The following NTRK2 variants were observed in gnomAD, a reference collection of about 807,000 sequenced individuals.
NTRK2 encodes BDNF/NT-3 growth factors receptor.
In NTRK2, 13 loss-of-function variants were observed where a neutral mutation model predicts 94.5. The observed-to-expected ratio is 0.14, with a 90% CI of 0.09 to 0.22. The LOEUF is 0.22. NTRK2 is among the 10% of genes least tolerant of loss of function. The pLI, the probability that NTRK2 is intolerant of heterozygous loss-of-function variation, is 1.00. For missense variants in NTRK2, 639 were observed against 1,071.2 expected, an observed-to-expected ratio of 0.60 and a Z score of 5.63; for synonymous variants, 372 against 407.4, an observed-to-expected ratio of 0.91 and a Z score of 1.05.
intron 17 of NTRK2, among the ~76,000 whole-genome samples, chr9:84,972,460 T>C (rs777329437): frequency 2.6e-5 from 4 of 152,204 alleles, no homozygotes; most frequent in Non-Finnish European, 5.9e-5. Flanking sequence ...CAGTGACTGG[T>C]TTTGTAAACA....
chr9:84,851,194 C>T (rs894961338), intron 12 of NTRK2, among the ~76,000 whole-genome samples: 6 of 152,088 alleles, frequency 3.9e-5, no homozygotes, highest in African/African-American at 1.4e-4. Flanking sequence ...AGGCAAAAAT[C>T]GCCCCCGTTT....
intron 17 of NTRK2, among the ~76,000 whole-genome samples, chr9:84,976,431 G>A (rs1035398188): frequency 1.8e-4 from 27 of 152,172 alleles, no homozygotes; most frequent in Non-Finnish European, 2.9e-4. Flanking sequence ...AGGAGTGAGG[G>A]CTTCAACATA....
chr9:84,706,070 G>A (rs945171062), intron 4 of NTRK2, among the ~76,000 whole-genome samples: 3 of 152,138 alleles, frequency 2.0e-5, no homozygotes, highest in African/African-American at 7.2e-5. Context: ...GATTACAGGT[G>A]TGAGCCACTG....
chr9:84,748,399 C>A (rs1212268129), intron 11 of NTRK2, among the ~76,000 whole-genome samples: 6 of 152,226 alleles, frequency 3.9e-5, no homozygotes. Flanking sequence ...AGCAGTAGAG[C>A]CCACTTCCCA....
chr9:84,862,916 G>C (rs2075400055), intron 13 of NTRK2, among the ~76,000 whole-genome samples: 1 of 152,172 alleles, frequency 6.6e-6, no homozygotes, highest in Non-Finnish European at 1.5e-5. Flanking sequence ...GGGGTGGGGA[G>C]GGCAGGTGGA....
At chr9:84,684,798 TC>T (rs2059609515) in intron 2 of NTRK2, among the ~76,000 whole-genome samples, 1 of 152,218 alleles carries the variant, frequency 6.6e-6, no homozygotes, top group African/African-American at 2.4e-5. Flanking sequence ...GTATTTTTTT[TC>T]CGTGAACTTA....
intron 13 of NTRK2, among the ~76,000 whole-genome samples, chr9:84,866,418 T>C (rs1298144607): frequency 6.6e-6 from 1 of 152,198 alleles, no homozygotes; most frequent in Non-Finnish European, 1.5e-5. Context: ...AGAAAGTAAG[T>C]GACTTGTCCA....
intron 2 of NTRK2, among the ~76,000 whole-genome samples, chr9:84,673,823 A>G (rs1362786713): frequency 6.6e-6 from 1 of 152,228 alleles, no homozygotes; most frequent in Non-Finnish European, 1.5e-5. Context: ...ATGTGACATA[A>G]CTAGATCAAT....
At chr9:84,888,809 A>G (rs1262132924) in intron 14 of NTRK2, among the ~76,000 whole-genome samples, 1 of 151,044 alleles carries the variant, frequency 6.6e-6, no homozygotes, top group East Asian at 1.9e-4. Context: ...TATAAAGTTC[A>G]CCTGACCCCA....
chr9:84,705,356 A>G (rs2060980743), intron 4 of NTRK2, among the ~76,000 whole-genome samples: 2 of 152,346 alleles, frequency 1.3e-5, no homozygotes, highest in South Asian at 4.1e-4. Flanking sequence ...GGGACTTTGC[A>G]GAGGTGCTAA....
intron 12 of NTRK2, among the ~76,000 whole-genome samples, chr9:84,836,086 C>T (rs1281560902): frequency 6.6e-6 from 1 of 152,190 alleles, no homozygotes. Context: ...TAGCAAACAC[C>T]ATAGTTCTGT....
At chr9:84,958,579 G>T (rs918452131) in intron 17 of NTRK2, among the ~76,000 whole-genome samples, 1 of 152,160 alleles carries the variant, frequency 6.6e-6, no homozygotes, top group African/African-American at 2.4e-5. Flanking sequence ...CCACTACTCG[G>T]TTGCAGTTGT....
intron 14 of NTRK2, among the ~76,000 whole-genome samples, chr9:84,888,750 ATAAAAATCCCT>A (rs1292720435): frequency 6.6e-6 from 1 of 150,786 alleles, no homozygotes; most frequent in East Asian, 2.0e-4. Flanking sequence ...CACCAATCCT[ATAAAAATCCCT>A]AAGAGGTTGG....
chr9:84,778,875 T>C (rs2067296716), intron 12 of NTRK2, among the ~76,000 whole-genome samples: 1 of 152,216 alleles, frequency 6.6e-6, no homozygotes, highest in Non-Finnish European at 1.5e-5. Flanking sequence ...TTCTCTGCTG[T>C]GTCCTCTCCC....
At position 84,853,095 on chromosome 9, in the gene NTRK2, G is replaced by C. The variant is rs1019334982; in HGVS notation, c.1397-7945G>C. The stretch of plus-strand genomic sequence containing the variant: ...ATTTAGCAGGAGAAAATCTAGGCCG[G>C]TTGACTGAGTGCTTTTCCTTATATT... On this transcript the variant is annotated intron_variant, in intron 12 of 18. Coordinates refer to ENST00000277120, the MANE Select transcript of NTRK2 (RefSeq NM_006180.6). 2.6e-5 allele frequency among the ~76,000 whole-genome samples: 4 copies of C among 152,090 alleles called. No individual in the cohort carries two copies. The South Asian group carries it at 8.3e-4, about 32-fold the overall frequency.
chr9:85,010,315 T>C (rs1831421468), intron 17 of NTRK2, among the ~76,000 whole-genome samples: 1 of 152,184 alleles, frequency 6.6e-6, no homozygotes, highest in African/African-American at 2.4e-5. Flanking sequence ...ATTGATCCTA[T>C]TTTCCTGGTT....
intron 5 of NTRK2, among the ~76,000 whole-genome samples, chr9:84,709,269 T>C (rs2061288350): frequency 1.3e-5 from 2 of 152,236 alleles, no homozygotes; most frequent in Non-Finnish European, 1.5e-5. Flanking sequence ...TGTGTTGTCA[T>C]ATGAACATTG....
intron 2 of NTRK2, among the ~76,000 whole-genome samples, chr9:84,698,278 A>G (rs926779947): frequency 3.3e-5 from 5 of 152,082 alleles, no homozygotes; most frequent in Admixed American, 6.5e-5. Flanking sequence ...GTTCACACAG[A>G]TTGTTTTATG....
At chr9:84,875,323 C>G (rs1402035380) in intron 14 of NTRK2, 1 of 1,059,694 alleles carries the variant, frequency 9.4e-7, no homozygotes, top group Non-Finnish European at 1.1e-6. Flanking sequence ...GAGCGGGGGT[C>G]TGGCCATAGC....
Sources: gnomAD v4.1 joint callset for allele counts (sites outside exome capture counted in the v4.1 genomes callset) on GRCh38, gnomAD v4.1.1 for gene constraint, MANE v1.5 for transcripts, NCBI Gene and HGNC (gene_info 2026-07-23, HGNC 2026-07-21) for gene names.